Variants in ANKHD1 observed in about 807,000 individuals in gnomAD.
ANKHD1 encodes ankyrin repeat and KH domain-containing protein 1.
ANKHD1 carries 31 observed loss-of-function variants against 230.5 expected under a neutral mutation model. The observed-to-expected ratio is 0.13, with a 90% CI of 0.10 to 0.18. The LOEUF (loss-of-function observed/expected upper bound fraction) is 0.18, where lower values mean the gene tolerates loss of function less well. Among genes scored for constraint, ANKHD1 ranks in the 10% least tolerant of loss-of-function variants. The probability of loss-of-function intolerance (pLI) is 1.00; values close to 1 mark genes in which losing one functional copy is unlikely to be tolerated. For missense variants in ANKHD1, 2,256 were observed against 3,071.3 expected (o/e 0.73, Z 6.27); for synonymous variants, 1,074 against 1,117.6 (o/e 0.96, Z 0.78).
intron 24 of ANKHD1, among the ~76,000 whole-genome samples, chr5:140,518,884 G>T (rs1360881292): frequency 6.6e-6 from 1 of 152,198 alleles, no homozygotes; most frequent in Admixed American, 6.5e-5. Context: ...ACAAGACAGG[G>T]ATGCCCTCTC....
chr5:140,486,988 A>T lies in ANKHD1; in HGVS notation c.2173A>T (p.Met725Leu), dbSNP rs758201902. The T allele has an allele frequency of 1.9e-6, 3 of 1,613,424 alleles. No individual in the cohort carries two copies. The South Asian group carries it at 3.3e-5, about 18-fold the overall frequency. Residue 725 changes from methionine (M) to leucine (L), a missense_variant, in exon 14 of 34, where the codon ATG becomes TTG. Coordinates refer to ENST00000360839, the MANE Select transcript of ANKHD1 (RefSeq NM_017747.3). ...VPRVPTHTLA[M>L]VVPPQEPDRT... ...ACGTGTGCCAACGCATACACTTGCC[A>T]TGGTTGTACCTCCCCAGGAACCTGA...
intron 1 of ANKHD1, among the ~76,000 whole-genome samples, chr5:140,426,591 A>G (rs1772437305): frequency 6.6e-6 from 1 of 151,824 alleles, no homozygotes; most frequent in African/African-American, 2.4e-5. Flanking sequence ...TCACAGGACA[A>G]TAGCGGAGGG....
intron 30 of ANKHD1, 89 bp from the exon 31 acceptor site, chr5:140,537,300 A>C: frequency 2.0e-6 from 3 of 1,496,466 alleles, no homozygotes; most frequent in Non-Finnish European, 2.7e-6. Flanking sequence ...ATAGTTTTTT[A>C]TATGTAATAA....
rs192163769 is a variant in ANKHD1, at chr5:140,490,284, C to A, written c.2245+3224C>A. The stretch of plus-strand genomic sequence containing the variant: ...TTACTCCTGTCTGTTTTTAGTAAAT[C>A]TTTTTATTATTCATATCCTCATCCT... On this transcript the variant is annotated intron_variant, in intron 14 of 33. Transcript: ENST00000360839. Among the ~76,000 whole-genome samples, 56 of 152,190 alleles carry A rather than the reference C, an allele frequency of 3.7e-4. No homozygotes were observed. The East Asian group carries it at 9.5e-3, about 26-fold the overall frequency.
chr5:140,426,203 C>T (rs148172826), intron 1 of ANKHD1, among the ~76,000 whole-genome samples: 267 of 152,312 alleles, frequency 1.8e-3, no homozygotes, highest in Non-Finnish European at 3.0e-3. Context: ...GATCTTGGCT[C>T]ACTGCAACTT....
At chr5:140,433,356 C>T (rs1773204299) in intron 1 of ANKHD1, among the ~76,000 whole-genome samples, 1 of 152,156 alleles carries the variant, frequency 6.6e-6, no homozygotes, top group Non-Finnish European at 1.5e-5. Flanking sequence ...TGAGCCACCA[C>T]ACCCAGCCTC....
At chr5:140,428,768 A>G (rs959155582) in intron 1 of ANKHD1, among the ~76,000 whole-genome samples, 2 of 151,846 alleles carry the variant, frequency 1.3e-5, no homozygotes, top group African/African-American at 4.8e-5. Context: ...ACCAGCCTAG[A>G]ATATTCTTTT....
intron 14 of ANKHD1, among the ~76,000 whole-genome samples, chr5:140,489,431 A>C (rs1430376522): frequency 6.6e-6 from 1 of 152,106 alleles, no homozygotes; most frequent in Non-Finnish European, 1.5e-5. Context: ...TCCAGGCAGC[A>C]GTGAGCTATG....
intron 10 of ANKHD1, among the ~76,000 whole-genome samples, chr5:140,476,846 TA>T (rs1213824261): frequency 6.6e-6 from 1 of 151,996 alleles, no homozygotes; most frequent in Non-Finnish European, 1.5e-5. Flanking sequence ...AAAGTAGTAC[TA>T]AAATTCTAGA....
At chr5:140,505,542 A>G (rs1021029633) in intron 17 of ANKHD1, among the ~76,000 whole-genome samples, 182 bp from the exon 18 acceptor site, 3 of 152,160 alleles carry the variant, frequency 2.0e-5, no homozygotes, top group Non-Finnish European at 4.4e-5. Flanking sequence ...TAGTTTTTTA[A>G]TTAGGTGTTT....
intron 7 of ANKHD1, 54 bp downstream of exon 7, chr5:140,449,359 G>A: frequency 6.4e-7 from 1 of 1,574,774 alleles, no homozygotes; most frequent in African/African-American, 1.4e-5. Context: ...GGTCGTATGT[G>A]TTTAAGCCTT....
intron 7 of ANKHD1, among the ~76,000 whole-genome samples, chr5:140,454,409 A>G (rs1303096037): frequency 6.6e-6 from 1 of 152,210 alleles, no homozygotes; most frequent in Non-Finnish European, 1.5e-5. Context: ...CAGAATATAC[A>G]TTCTTCTCAG....
At chr5:140,490,501 A>G (rs977120275) in intron 14 of ANKHD1, among the ~76,000 whole-genome samples, 1 of 152,194 alleles carries the variant, frequency 6.6e-6, no homozygotes, top group Non-Finnish European at 1.5e-5. Flanking sequence ...TCTAGGTGGC[A>G]TCTAACAGAG....
At chr5:140,449,432 A>T in intron 7 of ANKHD1, 127 bp downstream of exon 7, 1 of 1,053,162 alleles carries the variant, frequency 9.5e-7, no homozygotes, top group Non-Finnish European at 1.3e-6. Flanking sequence ...TGAGAGGCCA[A>T]GTCGGGCGGA....
At chr5:140,486,877 A>T (rs1254593922) in intron 13 of ANKHD1, 81 bp from the exon 14 acceptor site, 7 of 1,393,816 alleles carry the variant, frequency 5.0e-6, no homozygotes, top group Admixed American at 4.8e-5. Flanking sequence ...AAGATAACCT[A>T]AAACAGGATA....
intron 1 of ANKHD1, among the ~76,000 whole-genome samples, chr5:140,428,384 G>A (rs1222437492): frequency 6.6e-6 from 1 of 152,236 alleles, no homozygotes; most frequent in Non-Finnish European, 1.5e-5. Context: ...CTGCAATCCC[G>A]GCACCTCGGG....
intron 24 of ANKHD1, among the ~76,000 whole-genome samples, chr5:140,522,681 A>G (rs1417882967): frequency 7.2e-5 from 11 of 152,200 alleles, no homozygotes; most frequent in Admixed American, 5.9e-4. Flanking sequence ...GCATGTACCT[A>G]TGGATGGAAT....
rs1457736949 is a variant in ANKHD1, at chr5:140,509,704, A to C, written c.3833A>C (p.Asp1278Ala). ...GCAGAGGTTGGAAGAGTTCTTCTTG[A>C]TAAAGGAGCAGATGTTAATGCTCCC... is the stretch of plus-strand genomic sequence containing the variant. ...GYAEVGRVLL[D>A]KGADVNAPPV... Residue 1278 changes from aspartate (D) to alanine (A), a missense_variant, in exon 21 of 34, where the codon GAT becomes GCT. Physicochemically the swap from Asp to Ala is moderately radical, Grantham distance 126. Coordinates refer to ENST00000360839, the MANE Select transcript of ANKHD1 (RefSeq NM_017747.3). 7 of 1,613,462 alleles carry C rather than the reference A, an allele frequency of 4.3e-6. No homozygotes were observed. Among genetic ancestry groups the C allele is most frequent in the Non-Finnish European group, 5.9e-6 (7 of 1,179,788 alleles).
intron 1 of ANKHD1, among the ~76,000 whole-genome samples, chr5:140,419,834 CTTTT>C (rs1394415655): frequency 9.7e-6 from 1 of 103,014 alleles, no homozygotes; most frequent in African/African-American, 3.8e-5. Context: ...TTCTTTCTTT[CTTTT>C]TCTTTCTCTT....
Sources: gnomAD v4.1 joint callset for allele counts (sites outside exome capture counted in the v4.1 genomes callset) on GRCh38, gnomAD v4.1.1 for gene constraint, MANE v1.5 for transcripts, NCBI Gene and HGNC (gene_info 2026-07-23, HGNC 2026-07-21) for gene names.